The following NDUFA5 variants were observed in gnomAD, a reference collection of about 807,000 sequenced individuals.
NDUFA5 encodes the protein NADH:ubiquinone oxidoreductase subunit A5.
NDUFA5 carries 11 observed loss-of-function variants against 19.8 expected under a neutral mutation model. The ratio of observed to expected loss-of-function variants is 0.56; its 90% CI spans 0.35 to 0.92. NDUFA5 has a LOEUF of 0.92. Among genes scored for constraint, NDUFA5 ranks in the 40% least tolerant of loss-of-function variants. NDUFA5 has a pLI of 0.01. For missense variants in NDUFA5, 109 were observed against 134.2 expected (o/e 0.81, Z 0.93); for synonymous variants, 47 against 46.8 (o/e 1.00, Z -0.01).
At chr7:123,570,655 C>G in the NDUFA5 span, among the ~76,000 whole-genome samples, 2 of 152,154 alleles carry the variant, frequency 1.3e-5, no homozygotes, top group African/African-American at 4.8e-5. Context: ...AGCAGAATAG[C>G]CCTAAAGAAT....
chr7:123,594,945 GT>G, the NDUFA5 span, among the ~76,000 whole-genome samples: 3 of 152,192 alleles, frequency 2.0e-5, no homozygotes, highest in African/African-American at 7.2e-5. Flanking sequence ...GCTCCACCCA[GT>G]TCGAGCTTCC....
chr7:123,571,119 T>C, the NDUFA5 span, among the ~76,000 whole-genome samples: 4 of 152,208 alleles, frequency 2.6e-5, no homozygotes, highest in Admixed American at 2.6e-4. Flanking sequence ...GAATAAATGA[T>C]CATTTCTTTA....
At chr7:123,600,926 G>A in the NDUFA5 span, among the ~76,000 whole-genome samples, 6 of 152,254 alleles carry the variant, frequency 3.9e-5, no homozygotes, top group South Asian at 1.2e-3. Flanking sequence ...CAGGAAAAAG[G>A]GAAGAATCAC....
chr7:123,558,430 G>C (rs1187477233), upstream of NDUFA5, among the ~76,000 whole-genome samples: 1 of 152,162 alleles, frequency 6.6e-6, no homozygotes, highest in South Asian at 2.1e-4. Context: ...CTCACTATGT[G>C]TCAGTTACTG....
the NDUFA5 span, among the ~76,000 whole-genome samples, chr7:123,595,140 T>C: frequency 6.6e-6 from 1 of 152,182 alleles, no homozygotes; most frequent in Non-Finnish European, 1.5e-5. Flanking sequence ...ATGACACTTA[T>C]CCTAAATGAC....
At chr7:123,547,789 G>C (rs535407299) in intron 3 of NDUFA5, among the ~76,000 whole-genome samples, 1 of 152,232 alleles carries the variant, frequency 6.6e-6, no homozygotes, top group Admixed American at 6.5e-5. Flanking sequence ...CTTACCGATA[G>C]TGAATAATGT....
chr7:123,551,211 CTT>C (rs113161747), intron 2 of NDUFA5, among the ~76,000 whole-genome samples: 6 of 128,102 alleles, frequency 4.7e-5, no homozygotes, highest in Admixed American at 7.7e-5. Context: ...TTCTTTCTTT[CTT>C]TTTTTTTTTT....
Position 123,539,746 on chromosome 7 carries a change from A to G in NDUFA5, c.*2373T>C, listed in dbSNP as rs866165613. ...CAATGACCAAATTGCAATACCTTTTAGATACCTATCCCATTAACATAATCT... is the reference window on the plus strand; with the variant it reads ...CAATGACCAAATTGCAATACCTTTTGGATACCTATCCCATTAACATAATCT... On this transcript the variant is annotated 3_prime_UTR_variant, in exon 5 of 5. Coordinates refer to ENST00000355749, the MANE Select transcript of NDUFA5 (RefSeq NM_005000.5). 5 of 152,242 alleles carry G rather than the reference A, an allele frequency of 3.3e-5. No homozygotes were observed. The highest frequency in any genetic ancestry group is 4.8e-5 in the African/African-American group (2 of 41,464). 9.4% of individuals were successfully genotyped at this position (152,242 alleles called of 1,614,324 possible).
chr7:123,601,024 G>A, the NDUFA5 span, among the ~76,000 whole-genome samples: 1 of 152,124 alleles, frequency 6.6e-6, no homozygotes, highest in South Asian at 2.1e-4. Context: ...GTCAGAAAGA[G>A]GTCACTGAGA....
chr7:123,557,268 C>G (rs916109963), intron 2 of NDUFA5, 136 bp downstream of exon 2: 2 of 1,230,566 alleles, frequency 1.6e-6, no homozygotes, highest in African/African-American at 3.0e-5. Context: ...GGACAGCGCC[C>G]GTGTCTCAAG....
chr7:123,540,386 G>GAATC lies in NDUFA5; in HGVS notation c.*1729_*1732dup, dbSNP rs1797886927. 1 of 152,070 alleles carries GAATC rather than the reference G, an allele frequency of 6.6e-6. No homozygotes were observed. Among genetic ancestry groups the GAATC allele is most frequent in the African/African-American group, 2.4e-5 (1 of 41,404 alleles). The allele number at this position is 152,070 out of a possible 1,614,324, so 9.4% of individuals were successfully genotyped here. A position where few individuals can be genotyped will look rare whatever the true frequency, so the allele number is the denominator to read the frequency against. On this transcript the variant is annotated 3_prime_UTR_variant, in exon 5 of 5. Transcript: ENST00000355749. ...TTGGTGAAACATAAAAGATGCCCAA[G>GAATC]AATCATGGCAGATACGGGACTGAAA... is the stretch of plus-strand genomic sequence containing the variant.
the NDUFA5 span, among the ~76,000 whole-genome samples, chr7:123,593,662 G>C: frequency 6.6e-6 from 1 of 152,064 alleles, no homozygotes; most frequent in East Asian, 1.9e-4. Flanking sequence ...AAGTCTGATG[G>C]GCTTCTCTTT....
chr7:123,588,750 C>T, the NDUFA5 span, among the ~76,000 whole-genome samples: 26 of 151,480 alleles, frequency 1.7e-4, no homozygotes, highest in African/African-American at 5.8e-4. Flanking sequence ...CTACATCTTG[C>T]GAGTTTGGGT....
intron 2 of NDUFA5, chr7:123,557,196 G>A (rs1338333782): frequency 4.0e-6 from 3 of 744,330 alleles, no homozygotes; most frequent in East Asian, 5.4e-5. Flanking sequence ...AAGAAAACTG[G>A]CTTAATAAAG....
At chr7:123,550,647 C>A in intron 2 of NDUFA5, 61 bp from the exon 3 acceptor site, 1 of 939,820 alleles carries the variant, frequency 1.1e-6, no homozygotes, top group Non-Finnish European at 1.6e-6. Flanking sequence ...CTTAATGGAA[C>A]ACTTGTCTCA....
chr7:123,544,091 A>T (rs1262672505), intron 4 of NDUFA5, among the ~76,000 whole-genome samples: 2 of 152,216 alleles, frequency 1.3e-5, no homozygotes, highest in African/African-American at 4.8e-5. Flanking sequence ...AAGATGCAAC[A>T]AAATAAAATT....
At chr7:123,573,132 T>C in the NDUFA5 span, among the ~76,000 whole-genome samples, 1 of 152,130 alleles carries the variant, frequency 6.6e-6, no homozygotes, top group Non-Finnish European at 1.5e-5. Context: ...TTTTCTATTA[T>C]TGTCTATGAT....
chr7:123,563,013 C>T, the NDUFA5 span, among the ~76,000 whole-genome samples: 2 of 152,004 alleles, frequency 1.3e-5, no homozygotes, highest in South Asian at 4.1e-4. Flanking sequence ...GTTGGTCAGG[C>T]TGGCCTAGAA....
At chr7:123,576,791 G>A in the NDUFA5 span, among the ~76,000 whole-genome samples, 2 of 152,152 alleles carry the variant, frequency 1.3e-5, no homozygotes. Flanking sequence ...TCTAAGATCT[G>A]CTGCCACTAG....
Sources: gnomAD v4.1 joint callset for allele counts (sites outside exome capture counted in the v4.1 genomes callset) on GRCh38, gnomAD v4.1.1 for gene constraint, MANE v1.5 for transcripts, NCBI Gene and HGNC (gene_info 2026-07-23, HGNC 2026-07-21) for gene names.